The following PTPRQ variants were observed in gnomAD, a reference collection of about 807,000 sequenced individuals.
The protein encoded by PTPRQ is phosphatidylinositol phosphatase PTPRQ.
Under a neutral mutation model 246.0 loss-of-function variants are expected in PTPRQ, and 199 were observed. The ratio of observed to expected loss-of-function variants is 0.81; its 90% confidence interval spans 0.72 to 0.91. The LOEUF (loss-of-function observed/expected upper bound fraction) is 0.91, where lower values mean the gene tolerates loss of function less well. Ranked by LOEUF, PTPRQ falls within the 40% of genes least tolerant of loss-of-function variation. The pLI, the probability that PTPRQ is intolerant of heterozygous loss-of-function variation, is 0.00. For missense variants in PTPRQ, 2,624 were observed against 2,528.4 expected (o/e 1.04, Z -0.81); for synonymous variants, 869 against 853.2 (o/e 1.02, Z -0.32).
At chr12:80,648,266 C>T (rs567788924) in intron 35 of PTPRQ, among the ~76,000 whole-genome samples, 3 of 151,998 alleles carry the variant, frequency 2.0e-5, no homozygotes, top group South Asian at 2.1e-4. Context: ...TTGTGCATGA[C>T]GTAAGTGTTA....
intron 35 of PTPRQ, 31 bp downstream of exon 35, chr12:80,635,104 C>A: frequency 6.5e-7 from 1 of 1,546,774 alleles, no homozygotes; most frequent in South Asian, 1.2e-5. Context: ...GAACTGTGGT[C>A]CAGAGGGCCT....
At chr12:80,620,085 C>T (rs960768824) in intron 31 of PTPRQ, 69 bp from the exon 32 acceptor site, 25 of 1,449,504 alleles carry the variant, frequency 1.7e-5, no homozygotes, top group Non-Finnish European at 2.1e-5. Flanking sequence ...TATAAAAACA[C>T]TATTTATAAT....
intron 8 of PTPRQ, among the ~76,000 whole-genome samples, chr12:80,479,175 C>G (rs1269885517): frequency 6.6e-6 from 1 of 151,712 alleles, no homozygotes; most frequent in Non-Finnish European, 1.5e-5. Context: ...AACAGCAGAT[C>G]TCTCGGCAGA....
chr12:80,600,804 C>A (rs1022706881), intron 26 of PTPRQ, among the ~76,000 whole-genome samples: 11 of 151,772 alleles, frequency 7.2e-5, no homozygotes, highest in African/African-American at 2.4e-4. Context: ...TGGCGTTTGT[C>A]TTTTTGTTCA....
chr12:80,446,428 A>G (rs1434361636), intron 3 of PTPRQ, among the ~76,000 whole-genome samples: 1 of 151,764 alleles, frequency 6.6e-6, no homozygotes, highest in Non-Finnish European at 1.5e-5. Flanking sequence ...ACTCCAATGA[A>G]ATGTCTTTTT....
chr12:80,465,781 A>G (rs977935406), intron 6 of PTPRQ, among the ~76,000 whole-genome samples: 6 of 152,166 alleles, frequency 3.9e-5, no homozygotes, highest in African/African-American at 9.7e-5. Flanking sequence ...TAGATGCAGA[A>G]AAGGCCTTTG....
At chr12:80,606,025 A>G (rs1039275169) in intron 27 of PTPRQ, among the ~76,000 whole-genome samples, 8 of 151,136 alleles carry the variant, frequency 5.3e-5, no homozygotes, top group African/African-American at 1.2e-4. Context: ...AACCTATAGA[A>G]TTTGGTGAAA....
intron 12 of PTPRQ, 62 bp from the exon 13 acceptor site, chr12:80,495,937 T>C: frequency 2.0e-6 from 3 of 1,506,252 alleles, no homozygotes; most frequent in South Asian, 1.3e-5. Context: ...TTATATTAAA[T>C]GGCACCAATC....
intron 28 of PTPRQ, among the ~76,000 whole-genome samples, chr12:80,611,085 C>T (rs780665440): frequency 1.0e-4 from 15 of 150,368 alleles, no homozygotes; most frequent in East Asian, 7.8e-4. Flanking sequence ...TCACATTTAT[C>T]ACAGCTGTTG....
In PTPRQ at chr12:80,620,344, C is replaced by T. The variant is rs1898933033; in HGVS notation, c.5580C>T (p.Cys1860=). The T allele has an allele frequency of 6.5e-7, 1 of 1,548,954 alleles. No homozygotes were observed. The highest frequency in any genetic ancestry group is 2.0e-5 in the Admixed American group (1 of 50,798). Residue 1860 remains cysteine (C), a synonymous_variant, in exon 32 of 45, where the codon TGC becomes TGT. Transcript: ENST00000644991. ...TTCCTGGCAATGAAGACAAAATTTG[C>T]AATGGACCACTGAAACCAAAAAAGC... is the stretch of plus-strand genomic sequence containing the variant. ...CMIPGNEDKI[C]NGPLKPKKQY... is the part of the protein sequence containing the mutation.
At chr12:80,450,219 A>G (rs1012285676) in intron 3 of PTPRQ, among the ~76,000 whole-genome samples, 13 of 152,154 alleles carry the variant, frequency 8.5e-5, no homozygotes, top group Admixed American at 6.5e-4. Context: ...ATTTTTGTAC[A>G]TTGATTTTGT....
At chr12:80,665,954 G>T (rs946451661) in intron 39 of PTPRQ, among the ~76,000 whole-genome samples, 1 of 151,906 alleles carries the variant, frequency 6.6e-6, no homozygotes, top group African/African-American at 2.4e-5. Flanking sequence ...ACAAATGCCA[G>T]CAAGAATGCA....
At chr12:80,601,327 C>G (rs1217757243) in intron 26 of PTPRQ, among the ~76,000 whole-genome samples, 3 of 151,760 alleles carry the variant, frequency 2.0e-5, no homozygotes, top group African/African-American at 7.3e-5. Flanking sequence ...TTCCAAAGTG[C>G]CTGGCATGCC....
chr12:80,668,445 A>G (rs1900857027), intron 39 of PTPRQ, among the ~76,000 whole-genome samples: 1 of 151,936 alleles, frequency 6.6e-6, no homozygotes, highest in Non-Finnish European at 1.5e-5. Flanking sequence ...CTAATGCCAC[A>G]GTTTAAGTAG....
At position 80,550,066 on chromosome 12, in the gene PTPRQ, T is replaced by C. The variant is rs186721885; in HGVS notation, c.4285+332T>C. 2.4e-3 allele frequency among the ~76,000 whole-genome samples: 369 copies of C among 152,280 alleles called. 2 individuals are homozygous for C. Among genetic ancestry groups the C allele is most frequent in the Non-Finnish European group, 1.4e-3 (95 of 67,988 alleles). On this transcript the variant is annotated intron_variant, in intron 25 of 44. Coordinates refer to ENST00000644991, the MANE Select transcript of PTPRQ (RefSeq NM_001145026.2). Reference sequence around the variant, plus strand: ...CATGTAAACCTTTCATGTATATCTCTTTTTAGTCTTACTTGTTTTTATGGA... The same window carrying C: ...CATGTAAACCTTTCATGTATATCTCCTTTTAGTCTTACTTGTTTTTATGGA...
intron 14 of PTPRQ, among the ~76,000 whole-genome samples, chr12:80,502,605 T>C (rs939654380): frequency 4.0e-5 from 6 of 151,878 alleles, no homozygotes; most frequent in African/African-American, 1.4e-4. Flanking sequence ...TAGGAAGTGA[T>C]TACAGTGACT....
intron 34 of PTPRQ, among the ~76,000 whole-genome samples, chr12:80,632,969 A>C (rs1178162623): frequency 1.3e-5 from 2 of 152,154 alleles, no homozygotes; most frequent in Non-Finnish European, 2.9e-5. Flanking sequence ...TCTCACAATG[A>C]ATAACAATAA....
intron 17 of PTPRQ, among the ~76,000 whole-genome samples, chr12:80,522,999 T>C (rs1385168516): frequency 6.6e-6 from 1 of 152,118 alleles, no homozygotes; most frequent in African/African-American, 2.4e-5. Context: ...GTCGTGGACT[T>C]TTTTTGGTTG....
chr12:80,462,023 C>T (rs887305697), intron 6 of PTPRQ: 5 of 700,854 alleles, frequency 7.1e-6, no homozygotes, highest in African/African-American at 1.8e-5. Flanking sequence ...CAGGTCAGTG[C>T]GTGCAGTGCG....
Sources: gnomAD v4.1 joint callset for allele counts (sites outside exome capture counted in the v4.1 genomes callset) on GRCh38, gnomAD v4.1.1 for gene constraint, MANE v1.5 for transcripts, NCBI Gene and HGNC (gene_info 2026-07-23, HGNC 2026-07-21) for gene names.